SHC3: variants seen among roughly 807,000 people sequenced by gnomAD.
SHC3 encodes SHC-transforming protein 3.
Under a neutral mutation model 60.4 loss-of-function variants are expected in SHC3, and 15 were observed. The observed-to-expected ratio is 0.25, with a 90% CI of 0.17 to 0.38. The LOEUF is 0.38. Ranked by LOEUF, SHC3 falls within the 10% of genes least tolerant of loss-of-function variation. The pLI is 1.00. For synonymous variants in SHC3, 294 were observed against 325.9 expected (o/e 0.90, Z 1.05); for missense variants, 677 against 786.1 (o/e 0.86, Z 1.66).
At chr9:89,016,337 C>T (rs1029375621) in intron 11 of SHC3, among the ~76,000 whole-genome samples, 1 of 152,122 alleles carries the variant, frequency 6.6e-6, no homozygotes, top group Non-Finnish European at 1.5e-5. Flanking sequence ...ATATTCCCAA[C>T]ATATGATAGG....
intron 11 of SHC3, chr9:89,037,234 AG>A (rs1166457528): frequency 2.3e-6 from 1 of 431,162 alleles, no homozygotes; most frequent in Non-Finnish European, 4.1e-6. Flanking sequence ...ACTGAGACAA[AG>A]GCTTCATCCC....
At chr9:89,163,207 C>A (rs1366653276) in intron 1 of SHC3, among the ~76,000 whole-genome samples, 3 of 151,850 alleles carry the variant, frequency 2.0e-5, no homozygotes, top group African/African-American at 7.2e-5. Flanking sequence ...GGATCTAGAA[C>A]TGGAAATACC....
chr9:89,158,762 T>C (rs533920080), intron 1 of SHC3, among the ~76,000 whole-genome samples: 5 of 152,342 alleles, frequency 3.3e-5, no homozygotes, highest in South Asian at 2.1e-4. Context: ...CAATTCCTTG[T>C]AAAAATCTTT....
intron 1 of SHC3, among the ~76,000 whole-genome samples, chr9:89,116,649 C>T (rs1482926812): frequency 6.6e-6 from 1 of 152,112 alleles, no homozygotes; most frequent in Non-Finnish European, 1.5e-5. Context: ...ATACTATGAC[C>T]TCCCATGTCA....
In SHC3 at chr9:89,161,260, C is replaced by T. The variant is rs79658434; in HGVS notation, c.474+16727G>A. 5.9e-3 allele frequency among the ~76,000 whole-genome samples: 899 copies of T among 152,232 alleles called. 9 individuals carry two copies. The highest frequency in any genetic ancestry group is 0.02 in the African/African-American group (837 of 41,540). ...ATGCATCCCCACTGTGCTGTTCTGG[C>T]GATAGCAAGTGAATTCTCGTGAGAT... is the stretch of plus-strand genomic sequence containing the variant. On this transcript the variant is annotated intron_variant, in intron 1 of 11. Transcript: ENST00000375835.
intron 1 of SHC3, among the ~76,000 whole-genome samples, chr9:89,169,332 G>C (rs1019738003): frequency 6.6e-6 from 1 of 152,094 alleles, no homozygotes; most frequent in Non-Finnish European, 1.5e-5. Context: ...AATCCAGGAC[G>C]TCTGAGCACA....
intron 1 of SHC3, among the ~76,000 whole-genome samples, chr9:89,177,579 AC>A (rs1329297262): frequency 6.6e-6 from 1 of 152,020 alleles, no homozygotes; most frequent in Non-Finnish European, 1.5e-5. Context: ...TAGGGCCGCC[AC>A]TCCGTGCATC....
intron 11 of SHC3, among the ~76,000 whole-genome samples, chr9:89,033,075 A>T (rs950955152): frequency 1.4e-4 from 20 of 147,596 alleles, no homozygotes; most frequent in Admixed American, 1.1e-3. Flanking sequence ...TCTCAACAGT[A>T]CTACAAGTTC....
At chr9:89,177,840 G>T in intron 1 of SHC3, 147 bp downstream of exon 1, 1 of 1,069,050 alleles carries the variant, frequency 9.4e-7, no homozygotes, top group Non-Finnish European at 1.2e-6. Flanking sequence ...TGTCAAGCGA[G>T]CTGATTGCTA....
At position 89,178,167 on chromosome 9, in the gene SHC3, GC is replaced by G; in HGVS notation, c.293del (p.Gly98AlafsTer24). The G allele has an allele frequency of 7.8e-7, 1 of 1,286,850 alleles. No individual in the cohort carries two copies. The highest frequency in any genetic ancestry group is 4.3e-5 in the Admixed American group (1 of 23,518). The allele number at this position is 1,286,850 out of a possible 1,614,324, so 79.7% of individuals were successfully genotyped here. The stretch of plus-strand genomic sequence containing the variant: ...CGGCCAGGCTGGGCGCGCTGCAGCT[GC>G]CCGAGAGCCGCGCGCCCGCCCGCTC... ...ARERAGARLS[G>X]SCSAPSLAAP... On this transcript the variant is annotated frameshift_variant, in exon 1 of 12. Transcript: ENST00000375835. LOFTEE classifies it high-confidence loss of function. The surrounding 1 kb of genome is among the most constrained non-coding windows in gnomAD (Gnocchi z 6.9).
chr9:89,165,769 C>T (rs902435203), intron 1 of SHC3, among the ~76,000 whole-genome samples: 1 of 152,122 alleles, frequency 6.6e-6, no homozygotes, highest in Non-Finnish European at 1.5e-5. Context: ...TATTTTGAGA[C>T]ATGCTACACT....
intron 6 of SHC3, among the ~76,000 whole-genome samples, chr9:89,064,434 T>C (rs1253025041): frequency 1.3e-5 from 2 of 152,118 alleles, no homozygotes; most frequent in African/African-American, 2.4e-5. Context: ...ACAGGAACTG[T>C]ATTGTGGGCA....
rs370320698 is a variant in SHC3, at chr9:89,009,180, C to T, written c.*4267G>A. 1 of 152,350 alleles carries T rather than the reference C, an allele frequency of 6.6e-6. No individual in the cohort carries two copies. The highest frequency in any genetic ancestry group is 1.5e-5 in the Non-Finnish European group (1 of 68,214). The allele number at this position is 152,350 out of a possible 1,614,324, so 9.4% of individuals were successfully genotyped here. On this transcript the variant is annotated 3_prime_UTR_variant, in exon 12 of 12. Coordinates refer to ENST00000375835, the MANE Select transcript of SHC3 (RefSeq NM_016848.6). ...AGTTTCCTCTTCTGAAAAGCAGGGC[C>T]CCCTACTGGGCTGTCTTACCAAGCT...
chr9:89,038,896 G>A (rs1309388058), intron 10 of SHC3, among the ~76,000 whole-genome samples: 5 of 152,200 alleles, frequency 3.3e-5, no homozygotes, highest in Non-Finnish European at 7.3e-5. Flanking sequence ...CCTGTGGAAC[G>A]AGGCTCTCAC....
intron 9 of SHC3, among the ~76,000 whole-genome samples, chr9:89,042,575 T>C (rs527763754): frequency 6.6e-6 from 1 of 152,362 alleles, no homozygotes; most frequent in South Asian, 2.1e-4. Context: ...TTATATTAAT[T>C]GCTCTTGTTT....
intron 1 of SHC3, among the ~76,000 whole-genome samples, chr9:89,162,779 A>C (rs1425681504): frequency 2.0e-5 from 3 of 149,700 alleles, no homozygotes; most frequent in Admixed American, 6.7e-5. Context: ...TGCACAGCAA[A>C]AGAAACTACC....
At chr9:89,165,065 T>C (rs916197133) in intron 1 of SHC3, among the ~76,000 whole-genome samples, 2 of 152,220 alleles carry the variant, frequency 1.3e-5, no homozygotes, top group Non-Finnish European at 2.9e-5. Flanking sequence ...ACTGTTGGAA[T>C]AAATTTTAGT....
Position 89,086,266 on chromosome 9 carries a change from C to G in SHC3, c.546-8363G>C, listed in dbSNP as rs553708136. Among the ~76,000 whole-genome samples the G allele has an allele frequency of 1.4e-4, 22 of 152,316 alleles. No homozygotes were observed. In the South Asian group the frequency reaches 3.9e-3, roughly 27 times the overall value. ...TGTGCCCCACTTCCGATGCCAATCT[C>G]AGTCCCACAGGGGTAAAATAAAGTC... On this transcript the variant is annotated intron_variant, in intron 2 of 11. Transcript: ENST00000375835.
intron 11 of SHC3, among the ~76,000 whole-genome samples, chr9:89,019,299 G>T (rs895680786): frequency 6.6e-6 from 1 of 152,054 alleles, no homozygotes; most frequent in Non-Finnish European, 1.5e-5. Flanking sequence ...AGTCTCTAAG[G>T]TTTCACAGCA....
Sources: gnomAD v4.1 joint callset for allele counts (sites outside exome capture counted in the v4.1 genomes callset) on GRCh38, gnomAD v4.1.1 for gene constraint, Gnocchi (gnomAD v3.1) non-coding constraint, MANE v1.5 for transcripts, NCBI Gene and HGNC (gene_info 2026-07-23, HGNC 2026-07-21) for gene names.